LRRIQ4: variants seen among roughly 807,000 people sequenced by gnomAD.
LRRIQ4 encodes leucine-rich repeat and IQ domain-containing protein 4.
Under a neutral mutation model 40.1 loss-of-function variants are expected in LRRIQ4, and 21 were observed. That is an observed-to-expected ratio of 0.52 (90% CI 0.37 to 0.75). The LOEUF is 0.75. LRRIQ4 is among the 30% of genes least tolerant of loss of function. LRRIQ4 has a pLI of 0.00. For missense variants in LRRIQ4, 655 were observed against 660.0 expected (o/e 0.99, Z 0.08); for synonymous variants, 277 against 277.1 (o/e 1.00, Z 0.00).
chr3:169,835,123 A>G (rs1038527098), intron 5 of LRRIQ4, among the ~76,000 whole-genome samples: 4 of 152,186 alleles, frequency 2.6e-5, no homozygotes, highest in Non-Finnish European at 5.9e-5. Context: ...AAGAGAACAG[A>G]AGAAGCTTTT....
chr3:169,820,617 A>T (rs143382148), intron 1 of LRRIQ4, among the ~76,000 whole-genome samples: 13 of 150,746 alleles, frequency 8.6e-5, no homozygotes, highest in Non-Finnish European at 1.8e-4. Context: ...GCTTACTGCA[A>T]GCTCCGCCCC....
chr3:169,828,824 T>C lies in LRRIQ4; in HGVS notation c.1086T>C (p.Leu362=). The part of the protein sequence containing the change: ...KILGLTGNEF[L]SFPEEVLSLA... ...TTGGACTAACAGGAAATGAGTTCCT[T>C]TCCTTTCCGGAGGAAGTCCTTTCTT... The change falls in exon 3 of 6, where the codon CTT becomes CTC. Residue 362 remains leucine, a synonymous_variant. Transcript: ENST00000340806. 6.2e-7 allele frequency: 1 copy of C among 1,613,944 alleles called. No homozygotes were observed. Among genetic ancestry groups the C allele is most frequent in the Non-Finnish European group, 8.5e-7 (1 of 1,179,854 alleles).
intron 1 of LRRIQ4, among the ~76,000 whole-genome samples, chr3:169,815,509 T>A (rs1393976983): frequency 6.6e-6 from 1 of 152,200 alleles, no homozygotes; most frequent in Non-Finnish European, 1.5e-5. Context: ...TTTATTGAAT[T>A]TGTTTATCCA....
chr3:169,822,791 C>T lies in LRRIQ4; in HGVS notation c.870C>T (p.Thr290=). The T allele has an allele frequency of 1.2e-6, 2 of 1,613,614 alleles. No individual in the cohort carries two copies. Among genetic ancestry groups the T allele is most frequent in the South Asian group, 1.1e-5 (1 of 91,032 alleles). Residue 290 remains threonine (T), a synonymous_variant, in exon 2 of 6, where the codon ACC becomes ACT. Transcript: ENST00000340806. ...TGCACCTGCTCTACCTGGGAAACAC[C>T]GGCCTGCACAGGCTGCGGGGCTCCT... ...TSLHLLYLGN[T]GLHRLRGSFR...
At chr3:169,828,970 T>C (rs55905579) in intron 3 of LRRIQ4, 38 bp downstream of exon 3, 23,823 of 1,552,618 alleles carry the variant, frequency 0.015, 1,295 homozygotes, top group African/African-American at 0.15. Flanking sequence ...GAAGCACCTG[T>C]CACTGCCTCT....
intron 1 of LRRIQ4, among the ~76,000 whole-genome samples, chr3:169,818,421 G>A (rs1779808375): frequency 6.6e-6 from 1 of 152,102 alleles, no homozygotes; most frequent in Admixed American, 6.5e-5. Flanking sequence ...GGGGATGATT[G>A]CTAGAGGGTT....
At chr3:169,831,620 T>C (rs1329045295) in intron 4 of LRRIQ4, among the ~76,000 whole-genome samples, 1 of 150,278 alleles carries the variant, frequency 6.7e-6, no homozygotes, top group Non-Finnish European at 1.5e-5. Flanking sequence ...AGTTATTCTT[T>C]AATGAAAAAA....
At chr3:169,829,805 G>C (rs779294680) in intron 3 of LRRIQ4, among the ~76,000 whole-genome samples, 1 of 152,144 alleles carries the variant, frequency 6.6e-6, no homozygotes, top group South Asian at 2.1e-4. Context: ...CTGACCTGCT[G>C]CACTCTTAAT....
rs573570145 is a variant in LRRIQ4, at chr3:169,819,126, T to A, written c.-31-2765T>A. Among the ~76,000 whole-genome samples, 11 of 152,300 alleles carry A rather than the reference T, an allele frequency of 7.2e-5. No individual in the cohort carries two copies. In the East Asian group the frequency reaches 2.1e-3, roughly 29 times the overall value. On this transcript the variant is annotated intron_variant, in intron 1 of 5. Transcript: ENST00000340806. ...ATATTGGATTGTAATAATAAGTAAA[T>A]TTGATCACATTTGTGTAGCAATCCC...
In LRRIQ4 at chr3:169,815,570, T is replaced by A. The variant is rs376843034; in HGVS notation, c.-32+2524T>A. Among the ~76,000 whole-genome samples, 13 of 152,342 alleles carry A rather than the reference T, an allele frequency of 8.5e-5. No individual in the cohort carries two copies. The East Asian group carries it at 2.1e-3, about 25-fold the overall frequency. On this transcript the variant is annotated intron_variant, in intron 1 of 5. Coordinates refer to ENST00000340806, the MANE Select transcript of LRRIQ4 (RefSeq NM_001080460.3). ...CTTAAGGATTTTCCAAATATAAGAT[T>A]ATATCATCTGCAAACAAGGATAATT... is the stretch of plus-strand genomic sequence containing the variant.
chr3:169,833,009 G>A lies in LRRIQ4; in HGVS notation c.1356G>A (p.Glu452=). 1 of 1,611,994 alleles carries A rather than the reference G, an allele frequency of 6.2e-7. No homozygotes were observed. Among genetic ancestry groups the A allele is most frequent in the East Asian group, 2.2e-5 (1 of 44,876 alleles). ...CAGCTTTGAAAGAATTACGGCTGGA[G>A]GACAACTTGCTCACCCATCTTCCAG... The part of the protein sequence containing the change: ...QAQALKELRL[E]DNLLTHLPEN... The change falls in exon 5 of 6, where the codon GAG becomes GAA. Residue 452 remains glutamate, a synonymous_variant. Coordinates refer to ENST00000340806, the MANE Select transcript of LRRIQ4 (RefSeq NM_001080460.3).
intron 1 of LRRIQ4, among the ~76,000 whole-genome samples, chr3:169,820,320 A>G (rs78823930): frequency 0.081 from 12,226 of 151,568 alleles, 593 homozygotes; most frequent in Middle Eastern, 0.12. Flanking sequence ...CTGAAATACA[A>G]TATTCACATC....
chr3:169,827,412 C>G (rs913758879), intron 2 of LRRIQ4, among the ~76,000 whole-genome samples: 1 of 151,950 alleles, frequency 6.6e-6, no homozygotes, highest in Non-Finnish European at 1.5e-5. Context: ...TCGAGACCAT[C>G]CTGGCTGACA....
At chr3:169,832,755 A>T (rs1320082149) in intron 4 of LRRIQ4, among the ~76,000 whole-genome samples, 1 of 152,056 alleles carries the variant, frequency 6.6e-6, no homozygotes, top group Non-Finnish European at 1.5e-5. Context: ...CAAACAAAAC[A>T]TTTGGAATAT....
At chr3:169,823,672 A>G (rs1779971490) in intron 2 of LRRIQ4, among the ~76,000 whole-genome samples, 1 of 152,098 alleles carries the variant, frequency 6.6e-6, no homozygotes, top group African/African-American at 2.4e-5. Flanking sequence ...AACAAAGACA[A>G]TCTCCTGACA....
At chr3:169,823,962 T>C (rs1056942538) in intron 2 of LRRIQ4, among the ~76,000 whole-genome samples, 4 of 152,144 alleles carry the variant, frequency 2.6e-5, no homozygotes, top group African/African-American at 9.7e-5. Context: ...CCAATATGGA[T>C]AGATCTCAGT....
chr3:169,819,090 A>T (rs1779820768), intron 1 of LRRIQ4, among the ~76,000 whole-genome samples: 1 of 152,214 alleles, frequency 6.6e-6, no homozygotes, highest in Non-Finnish European at 1.5e-5. Context: ...TTTAAAAATC[A>T]CCCGACCATA....
intron 1 of LRRIQ4, among the ~76,000 whole-genome samples, chr3:169,820,647 G>T (rs1779867603): frequency 6.6e-6 from 1 of 150,874 alleles, no homozygotes; most frequent in Non-Finnish European, 1.5e-5. Flanking sequence ...CGACATCTTA[G>T]CATTACTGAG....
intron 2 of LRRIQ4, among the ~76,000 whole-genome samples, chr3:169,828,524 G>T (rs1413627565): frequency 1.3e-5 from 2 of 152,204 alleles, no homozygotes; most frequent in African/African-American, 4.8e-5. Context: ...ATAAACCACC[G>T]CGCCCAGCCA....
Sources: allele counts gnomAD v4.1 joint callset (sites outside exome capture counted in the v4.1 genomes callset), GRCh38; gene constraint gnomAD v4.1.1; transcripts MANE v1.5; gene names NCBI Gene and HGNC (gene_info 2026-07-23, HGNC 2026-07-21).